The following RARB variants were observed in gnomAD, a reference collection of about 807,000 sequenced individuals.
The protein encoded by RARB is retinoic acid receptor beta, also known as HBV-activated protein.
RARB carries 17 observed loss-of-function variants against 51.9 expected under a neutral mutation model. That is an observed-to-expected ratio of 0.33 (90% CI 0.22 to 0.49). The LOEUF is 0.49. RARB is among the 20% of genes least tolerant of loss of function. RARB has a pLI of 0.99. For missense variants in RARB, 369 were observed against 550.8 expected (o/e 0.67, Z 3.30); for synonymous variants, 215 against 195.4 (o/e 1.10, Z -0.84).
chr3:25,251,199 TTAC>T (rs1456840332), intron 5 of RARB, among the ~76,000 whole-genome samples: 1 of 152,114 alleles, frequency 6.6e-6, no homozygotes, highest in African/African-American at 2.4e-5. Context: ...GTAGCATGCA[TTAC>T]TACTTCATTC....
At chr3:25,197,730 G>T (rs1701280406) in intron 5 of RARB, among the ~76,000 whole-genome samples, 1 of 151,614 alleles carries the variant, frequency 6.6e-6, no homozygotes, top group Non-Finnish European at 1.5e-5. Flanking sequence ...GTAAACCAAA[G>T]AAATGAAATA....
At chr3:25,507,016 C>A (rs555349448) in intron 3 of RARB, among the ~76,000 whole-genome samples, 1 of 152,248 alleles carries the variant, frequency 6.6e-6, no homozygotes, top group Admixed American at 6.5e-5. Context: ...TCCCCTAAGC[C>A]TCATTCCACA....
chr3:25,116,513 C>T (rs1288530931), intron 3 of RARB, among the ~76,000 whole-genome samples: 1 of 152,102 alleles, frequency 6.6e-6, no homozygotes, highest in Non-Finnish European at 1.5e-5. Context: ...TTAATGTTTT[C>T]AGTCCAAGAG....
chr3:25,329,355 T>G (rs1704822576), intron 5 of RARB, among the ~76,000 whole-genome samples: 1 of 152,038 alleles, frequency 6.6e-6, no homozygotes, highest in East Asian at 1.9e-4. Flanking sequence ...CAGCAATATT[T>G]GCCGTTCTGC....
chr3:25,131,703 A>G (rs1282663354), intron 3 of RARB, among the ~76,000 whole-genome samples: 1 of 152,106 alleles, frequency 6.6e-6, no homozygotes, highest in East Asian at 1.9e-4. Flanking sequence ...GAGTGAAGCC[A>G]TTTGCCACGC....
intron 5 of RARB, among the ~76,000 whole-genome samples, chr3:25,583,927 G>C (rs1408658276): frequency 6.6e-6 from 1 of 152,162 alleles, no homozygotes; most frequent in African/African-American, 2.4e-5. Flanking sequence ...GTTCAGGCAA[G>C]TGAGGGAGCC....
intron 4 of RARB, among the ~76,000 whole-genome samples, chr3:25,140,330 C>T (rs1465960366): frequency 6.6e-6 from 1 of 152,108 alleles, no homozygotes; most frequent in Non-Finnish European, 1.5e-5. Flanking sequence ...TCAAAATACC[C>T]ACATTTTGGC....
chr3:25,128,162 G>C (rs1482946854), intron 3 of RARB, among the ~76,000 whole-genome samples: 1 of 151,984 alleles, frequency 6.6e-6, no homozygotes, highest in Non-Finnish European at 1.5e-5. Context: ...TGCATGACAA[G>C]GACAGCAGAA....
intron 5 of RARB, among the ~76,000 whole-genome samples, chr3:25,265,262 A>G (rs976642015): frequency 6.6e-6 from 1 of 152,180 alleles, no homozygotes; most frequent in Non-Finnish European, 1.5e-5. Flanking sequence ...CAGAAGACCA[A>G]TTGCTTAATT....
Position 25,596,730 on chromosome 3 carries a change from TCAAGAA to T in RARB, c.*115_*120del. 1 of 972,364 alleles carries T rather than the reference TCAAGAA, an allele frequency of 1.0e-6. No homozygotes were observed. The highest frequency in any genetic ancestry group is 1.5e-6 in the Non-Finnish European group (1 of 673,760). 60.2% of individuals were successfully genotyped at this position (972,364 alleles called of 1,614,324 possible). A position where few individuals can be genotyped will look rare whatever the true frequency, so the allele number is the denominator to read the frequency against. ...TTTTGGACTGAAAAGATATTAAAAC[TCAAGAA>T]GGACCAAGAAGTTTTCATATGTATC... is the stretch of plus-strand genomic sequence containing the variant. On this transcript the variant is annotated 3_prime_UTR_variant, in exon 8 of 8. Coordinates refer to ENST00000330688, the MANE Select transcript of RARB (RefSeq NM_000965.5).
At chr3:24,920,928 A>G (rs946031334) in intron 2 of RARB, among the ~76,000 whole-genome samples, 2 of 152,088 alleles carry the variant, frequency 1.3e-5, no homozygotes, top group African/African-American at 4.8e-5. Flanking sequence ...TTTTGCTCCT[A>G]ATTAGCTCTC....
At chr3:25,303,516 G>A (rs776515841) in intron 5 of RARB, among the ~76,000 whole-genome samples, 7 of 152,256 alleles carry the variant, frequency 4.6e-5, no homozygotes, top group East Asian at 1.9e-4. Context: ...ATGAAGACCC[G>A]TGTCCCCTCT....
intron 2 of RARB, among the ~76,000 whole-genome samples, chr3:24,986,044 A>G (rs910153414): frequency 9.9e-5 from 15 of 152,264 alleles, no homozygotes; most frequent in Admixed American, 9.8e-4. Context: ...ATATTTGAAT[A>G]TAATTCTAAG....
At chr3:24,971,759 T>C (rs1696402864) in intron 2 of RARB, among the ~76,000 whole-genome samples, 1 of 151,998 alleles carries the variant, frequency 6.6e-6, no homozygotes, top group Non-Finnish European at 1.5e-5. Flanking sequence ...ATGCGCTGGC[T>C]ATTTGGTGTA....
At chr3:25,033,903 C>G (rs1235931544) in intron 2 of RARB, among the ~76,000 whole-genome samples, 1 of 152,184 alleles carries the variant, frequency 6.6e-6, no homozygotes, top group Non-Finnish European at 1.5e-5. Context: ...TTCTCCCAGA[C>G]CTTTTCTCCT....
chr3:25,512,471 G>A (rs1381827111), intron 3 of RARB, among the ~76,000 whole-genome samples: 3 of 151,432 alleles, frequency 2.0e-5, no homozygotes, highest in Non-Finnish European at 4.4e-5. Flanking sequence ...TGTTAGCATG[G>A]GCAGAGAGCC....
chr3:24,918,322 A>G (rs1420920260), intron 2 of RARB, among the ~76,000 whole-genome samples: 1 of 152,212 alleles, frequency 6.6e-6, no homozygotes, highest in Non-Finnish European at 1.5e-5. Context: ...AAAAGACCTT[A>G]TATTGTAATC....
intron 2 of RARB, among the ~76,000 whole-genome samples, chr3:24,987,682 G>GA (rs1387037601): frequency 6.6e-6 from 1 of 152,128 alleles, no homozygotes; most frequent in African/African-American, 2.4e-5. Flanking sequence ...AATCCTGGTG[G>GA]AAAAAGATGA....
chr3:24,904,833 T>TA (rs1361909108), intron 2 of RARB, among the ~76,000 whole-genome samples: 1 of 152,276 alleles, frequency 6.6e-6, no homozygotes, highest in Non-Finnish European at 1.5e-5. Context: ...TATGCAGCCA[T>TA]AAAAAATGAT....
Sources: gnomAD v4.1 joint callset for allele counts (sites outside exome capture counted in the v4.1 genomes callset) on GRCh38, gnomAD v4.1.1 for gene constraint, MANE v1.5 for transcripts, NCBI Gene and HGNC (gene_info 2026-07-23, HGNC 2026-07-21) for gene names.